The following DUSP5 variants were observed in gnomAD, a reference collection of about 807,000 sequenced individuals.
DUSP5 encodes the protein dual specificity phosphatase 5, also known as dual specificity protein phosphatase 5.
Under a neutral mutation model 33.6 loss-of-function variants are expected in DUSP5, and 22 were observed. The ratio of observed to expected loss-of-function variants is 0.66; its 90% CI spans 0.47 to 0.94. The LOEUF is 0.94. Among genes scored for constraint, DUSP5 ranks in the 40% least tolerant of loss-of-function variants. The pLI is 0.00. For missense variants in DUSP5, 551 were observed against 522.1 expected (o/e 1.06, Z -0.54); for synonymous variants, 270 against 231.1 (o/e 1.17, Z -1.53).
At chr10:110,508,881 A>G (rs1860151674) in intron 3 of DUSP5, among the ~76,000 whole-genome samples, 1 of 152,062 alleles carries the variant, frequency 6.6e-6, no homozygotes, top group Non-Finnish European at 1.5e-5. Flanking sequence ...AGATGGGGAA[A>G]CTCTAGGATT....
chr10:110,506,971 G>T lies in DUSP5; in HGVS notation c.565G>T (p.Gly189Ter). 6.2e-7 allele frequency: 1 copy of T among 1,614,210 alleles called. No individual in the cohort carries two copies. ...TGAAATCCTTCCCTTCCTCTACCTT[G>T]GAAGTGCCTACCATGCATCCAAGTG... ...PVEILPFLYL[G>*]SAYHASKCEF... is the part of the protein sequence containing the mutation. The change falls in exon 3 of 4, where the codon GGA becomes TGA. Residue 189 changes from glycine to a stop codon, truncating the protein, a stop_gained. Transcript: ENST00000369583. LOFTEE classifies it high-confidence loss of function.
In DUSP5 at chr10:110,497,994, CGTCGCGGCCGCAGCCCCGCGG is replaced by C; in HGVS notation, c.-122_-102del. On this transcript the variant is annotated 5_prime_UTR_variant, in exon 1 of 4. Transcript: ENST00000369583. ...GCGCCGCCGCTCGGGCGCCGGGCTC[CGTCGCGGCCGCAGCCCCGCGG>C]GTCGCCCTCCCGTGCCTCGCCCGCG... 1.3e-6 allele frequency: 1 copy of C among 796,824 alleles called. No homozygotes were observed. Among genetic ancestry groups the C allele is most frequent in the African/African-American group, 1.9e-5 (1 of 53,362 alleles). 49.4% of individuals were successfully genotyped at this position (796,824 alleles called of 1,614,324 possible). A position where few individuals can be genotyped will look rare whatever the true frequency, so the allele number is the denominator to read the frequency against.
intron 1 of DUSP5, 27 bp downstream of exon 1, chr10:110,498,527 T>C: frequency 6.9e-7 from 1 of 1,439,998 alleles, no homozygotes; most frequent in Non-Finnish European, 9.1e-7. Flanking sequence ...CCTGCCACGC[T>C]CGCCCCTCCG....
intron 2 of DUSP5, among the ~76,000 whole-genome samples, chr10:110,505,379 G>T (rs187764141): frequency 4.6e-5 from 7 of 152,300 alleles, no homozygotes; most frequent in East Asian, 1.9e-4. Flanking sequence ...CATCTAAAGG[G>T]TTAAGCCCCC....
At position 110,502,972 on chromosome 10, in the gene DUSP5, GGTTA is replaced by G. The variant is rs1204405877; in HGVS notation, c.528+107_528+110del. On this transcript the variant is annotated intron_variant, in intron 2 of 3. Transcript: ENST00000369583. ...TGTTCTCTCCCCACTCAGCAATGAT[GGTTA>G]GTTCTTTTGTGGATCAGGGTGTTGG... The G allele has an allele frequency of 1.8e-5, 26 of 1,475,322 alleles. No homozygotes were observed. The African/African-American group carries it at 3.5e-4, about 20-fold the overall frequency. 91.4% of individuals were successfully genotyped at this position (1,475,322 alleles called of 1,614,324 possible). A position where few individuals can be genotyped will look rare whatever the true frequency, so the allele number is the denominator to read the frequency against.
At chr10:110,500,527 G>A (rs927692470) in intron 1 of DUSP5, among the ~76,000 whole-genome samples, 1 of 152,128 alleles carries the variant, frequency 6.6e-6, no homozygotes, top group Non-Finnish European at 1.5e-5. Flanking sequence ...TTTTAATCTG[G>A]TGGCATCTCA....
chr10:110,504,492 T>C (rs1860095282), intron 2 of DUSP5, among the ~76,000 whole-genome samples: 1 of 152,186 alleles, frequency 6.6e-6, no homozygotes, highest in Admixed American at 6.5e-5. Flanking sequence ...TTCCAGGCAC[T>C]CAGGAGAGGA....
chr10:110,506,458 A>G (rs1440834515), intron 2 of DUSP5, among the ~76,000 whole-genome samples: 2 of 152,156 alleles, frequency 1.3e-5, no homozygotes, highest in Non-Finnish European at 2.9e-5. Flanking sequence ...AAAATACACT[A>G]TGTAAAATGT....
At chr10:110,504,436 C>T (rs1860094684) in intron 2 of DUSP5, among the ~76,000 whole-genome samples, 1 of 152,194 alleles carries the variant, frequency 6.6e-6, no homozygotes, top group African/African-American at 2.4e-5. Context: ...TTGGGCTGAG[C>T]TCCAAAAGAA....
rs1859989772 is a variant in DUSP5 at position 110,498,383 on chromosome 10, G to A, written c.262G>A (p.Val88Met). 6.8e-7 allele frequency: 1 copy of A among 1,473,878 alleles called. No homozygotes were observed. Among genetic ancestry groups the A allele is most frequent in the Non-Finnish European group, 9.0e-7 (1 of 1,116,166 alleles). 91.3% of individuals were successfully genotyped at this position (1,473,878 alleles called of 1,614,324 possible). A position where few individuals can be genotyped will look rare whatever the true frequency, so the allele number is the denominator to read the frequency against. ...EGGGGVAAVVVLDQGSRHWQK... is the reference protein window; with the variant it reads ...EGGGGVAAVVMLDQGSRHWQK... Reference sequence around the variant, plus strand: ...CGGCGGCGGCGTCGCGGCCGTGGTGGTGCTGGACCAGGGCAGCCGCCACTG... The same window carrying A: ...CGGCGGCGGCGTCGCGGCCGTGGTGATGCTGGACCAGGGCAGCCGCCACTG... Residue 88 changes from valine to methionine, a missense_variant, in exon 1 of 4, where the codon GTG (valine) becomes ATG (methionine). Around this residue, in one of 3 missense-constraint regions of DUSP5, gnomAD observed 381 missense variants for 310.4 expected, o/e 1.23. Transcript: ENST00000369583.
chr10:110,507,853 C>T (rs781351685), intron 3 of DUSP5, among the ~76,000 whole-genome samples: 1 of 152,218 alleles, frequency 6.6e-6, no homozygotes, highest in Non-Finnish European at 1.5e-5. Context: ...GATTGTTCTC[C>T]CATTTGGCAT....
intron 1 of DUSP5, among the ~76,000 whole-genome samples, chr10:110,498,757 G>A (rs965754674): frequency 6.6e-6 from 1 of 152,324 alleles, no homozygotes; most frequent in Admixed American, 6.5e-5. Flanking sequence ...TATGCTGCGG[G>A]GGCTGCTGCT....
Position 110,510,690 on chromosome 10 carries a change from C to A in DUSP5, c.*264C>A. On this transcript the variant is annotated 3_prime_UTR_variant, in exon 4 of 4. Coordinates refer to ENST00000369583, the MANE Select transcript of DUSP5 (RefSeq NM_004419.4). Reference sequence around the variant, plus strand: ...CCAGACCCCTGCCCTCTTGGGACTGCCCAGTCCTTGCACCTCAGAGTTCGC... The same window carrying A: ...CCAGACCCCTGCCCTCTTGGGACTGACCAGTCCTTGCACCTCAGAGTTCGC... 2.4e-6 allele frequency: 1 copy of A among 412,710 alleles called. No homozygotes were observed. The highest frequency in any genetic ancestry group is 4.3e-6 in the Non-Finnish European group (1 of 233,952). The allele number at this position is 412,710 out of a possible 1,614,324, so 25.6% of individuals were successfully genotyped here. A position where few individuals can be genotyped will look rare whatever the true frequency, so the allele number is the denominator to read the frequency against.
chr10:110,498,387 T>A lies in DUSP5; in HGVS notation c.266T>A (p.Leu89Gln). The A allele has an allele frequency of 6.8e-7, 1 of 1,480,418 alleles. No homozygotes were observed. The highest frequency in any genetic ancestry group is 2.3e-5 in the Admixed American group (1 of 43,700). 91.7% of individuals were successfully genotyped at this position (1,480,418 alleles called of 1,614,324 possible). The change falls in exon 1 of 4, where the codon CTG becomes CAG. Residue 89 changes from leucine (L) to glutamine (Q), a missense_variant. By Grantham distance (113) the Leu-to-Gln change is moderately radical. Coordinates refer to ENST00000369583, the MANE Select transcript of DUSP5 (RefSeq NM_004419.4). ...GGGGVAAVVV[L>Q]DQGSRHWQKL... ...GGCGGCGTCGCGGCCGTGGTGGTGC[T>A]GGACCAGGGCAGCCGCCACTGGCAG...
intron 2 of DUSP5, 82 bp from the exon 3 acceptor site, chr10:110,506,853 A>G: frequency 6.9e-7 from 1 of 1,439,482 alleles, no homozygotes; most frequent in Non-Finnish European, 9.7e-7. Context: ...TTAAGAAACA[A>G]ATAGGTCGGA....
rs1449640723 is a variant in DUSP5 at position 110,510,543 on chromosome 10, G to A, written c.*117G>A. ...GACCTCATTCTGTCATGCTGCCCCA[G>A]TGAGATAGTGAGTGGTCACCAGGCT... is the stretch of plus-strand genomic sequence containing the variant. On this transcript the variant is annotated 3_prime_UTR_variant, in exon 4 of 4. Coordinates refer to ENST00000369583, the MANE Select transcript of DUSP5 (RefSeq NM_004419.4). 7.6e-7 allele frequency: 1 copy of A among 1,313,036 alleles called. No individual in the cohort carries two copies. Among genetic ancestry groups the A allele is most frequent in the Non-Finnish European group, 1.0e-6 (1 of 988,100 alleles). 81.3% of individuals were successfully genotyped at this position (1,313,036 alleles called of 1,614,324 possible). A position where few individuals can be genotyped will look rare whatever the true frequency, so the allele number is the denominator to read the frequency against.
chr10:110,508,250 G>C lies in DUSP5; in HGVS notation c.748+1096G>C, dbSNP rs143841843. Reference sequence around the variant, plus strand: ...TCTGGGCTGAAATGATTCCTTTGGAGCTTGAAAGGCAGCCAAATGATGGGT... The same window carrying C: ...TCTGGGCTGAAATGATTCCTTTGGACCTTGAAAGGCAGCCAAATGATGGGT... On this transcript the variant is annotated intron_variant, in intron 3 of 3. Coordinates refer to ENST00000369583, the MANE Select transcript of DUSP5 (RefSeq NM_004419.4). 4.1e-3 allele frequency among the ~76,000 whole-genome samples: 626 copies of C among 152,256 alleles called. 6 individuals are homozygous for C. Among genetic ancestry groups the C allele is most frequent in the African/African-American group, 0.014 (568 of 41,538 alleles).
chr10:110,506,938 G>A lies in DUSP5; in HGVS notation c.532G>A (p.Gly178Ser), dbSNP rs1860125415. 4 of 1,614,078 alleles carry A rather than the reference G, an allele frequency of 2.5e-6. No individual in the cohort carries two copies. The highest frequency in any genetic ancestry group is 3.4e-6 in the Non-Finnish European group (4 of 1,179,998). Residue 178 changes from glycine to serine, a missense_variant, in exon 3 of 4, where the codon GGC (glycine) becomes AGC (serine). Transcript: ENST00000369583. Reference protein sequence around the residue: ...VSYRPAYDQGGPVEILPFLYL... With the variant: ...VSYRPAYDQGSPVEILPFLYL... Reference sequence around the variant, plus strand: ...TGTCCTTTGTCCCTGCATCCAGGGTGGCCCAGTTGAAATCCTTCCCTTCCT... The same window carrying A: ...TGTCCTTTGTCCCTGCATCCAGGGTAGCCCAGTTGAAATCCTTCCCTTCCT...
chr10:110,503,539 TA>T (rs1860082788), intron 2 of DUSP5: 1 of 152,146 alleles, frequency 6.6e-6, no homozygotes, highest in Admixed American at 6.5e-5. Flanking sequence ...GATAACTCAT[TA>T]AAGGGAAAAA....
Sources: gnomAD v4.1 joint callset for allele counts (sites outside exome capture counted in the v4.1 genomes callset) on GRCh38, gnomAD v4.1.1 for gene constraint, gnomAD v4.1.1 regional missense constraint, MANE v1.5 for transcripts, NCBI Gene and HGNC (gene_info 2026-07-23, HGNC 2026-07-21) for gene names.